TTC16: variants seen among roughly 807,000 people sequenced by gnomAD.
TTC16 encodes tetratricopeptide repeat protein 16.
A neutral mutation model predicts 80.4 loss-of-function variants in TTC16; 66 were observed. The observed-to-expected ratio is 0.82, with a 90% CI of 0.67 to 1.01. The LOEUF (loss-of-function observed/expected upper bound fraction) is 1.01. TTC16 is among the 50% of genes least tolerant of loss of function. TTC16 has a pLI of 0.00. For missense variants in TTC16, 1,070 were observed against 1,103.2 expected, an observed-to-expected ratio of 0.97 and a Z score of 0.43; for synonymous variants, 438 against 451.3, an observed-to-expected ratio of 0.97 and a Z score of 0.37.
chr9:127,717,131 T>A lies in TTC16; in HGVS notation c.191+115T>A. 4 of 1,397,698 alleles carry A rather than the reference T, an allele frequency of 2.9e-6. No individual in the cohort carries two copies. In the South Asian group the frequency reaches 4.9e-5, roughly 17 times the overall value. 86.6% of individuals were successfully genotyped at this position (1,397,698 alleles called of 1,614,324 possible). ...GGCCTCAGTGAACTCAACTGTCTAA[T>A]GGGGCTCTTCCACCTCAGTGGGAAC... On this transcript the variant is annotated intron_variant, in intron 2 of 13. Transcript: ENST00000373289.
chr9:127,722,346 C>T lies in TTC16; in HGVS notation c.658-773C>T, dbSNP rs1326910263. Among the ~76,000 whole-genome samples the T allele has an allele frequency of 1.3e-5, 2 of 152,208 alleles. No homozygotes were observed. Among genetic ancestry groups the T allele is most frequent in the Admixed American group, 6.5e-5 (1 of 15,282 alleles). On this transcript the variant is annotated intron_variant, in intron 6 of 13. Transcript: ENST00000373289. The surrounding 1 kb of genome is among the most constrained non-coding windows in gnomAD (Gnocchi z 4.2). ...CTGGCTGAGCTGCGCCTTCCTCCTC[C>T]TAGTGGAAGGGACTTGCTGGGGGAG...
At chr9:127,720,020 TG>T in intron 4 of TTC16, 57 bp from the exon 5 acceptor site, 7 of 1,508,292 alleles carry the variant, frequency 4.6e-6, no homozygotes, top group Non-Finnish European at 4.6e-6. Context: ...TGCTGCCAAC[TG>T]GGGGGTGCAG....
chr9:127,719,456 G>T (rs746482608), intron 4 of TTC16, among the ~76,000 whole-genome samples: 12 of 152,152 alleles, frequency 7.9e-5, no homozygotes, highest in Non-Finnish European at 1.8e-4. Context: ...GCTACAGCCT[G>T]TTTGTGTTAG....
rs1844412535 is a variant in TTC16, at chr9:127,731,441, G to A, written c.*36G>A. 1.3e-6 allele frequency: 2 copies of A among 1,576,488 alleles called. No homozygotes were observed. Among genetic ancestry groups the A allele is most frequent in the African/African-American group, 1.3e-5 (1 of 74,136 alleles). On this transcript the variant is annotated 3_prime_UTR_variant, in exon 14 of 14. Coordinates refer to ENST00000373289, the MANE Select transcript of TTC16 (RefSeq NM_144965.3). ...CAGACCCTCCCTTCTTGCTGGGGAG[G>A]GGACGAGTTCTACCCACCTCCCCAC...
intron 6 of TTC16, among the ~76,000 whole-genome samples, chr9:127,721,524 C>A (rs1031828361): frequency 2.0e-5 from 3 of 151,740 alleles, no homozygotes; most frequent in Non-Finnish European, 4.4e-5. Context: ...GCGGGTTCAC[C>A]TCATTCTCCA....
At position 127,724,814 on chromosome 9, in the gene TTC16, G is replaced by A; in HGVS notation, c.1176G>A (p.Leu392=). 1 of 1,609,062 alleles carries A rather than the reference G, an allele frequency of 6.2e-7. No homozygotes were observed. The highest frequency in any genetic ancestry group is 2.2e-5 in the East Asian group (1 of 44,784). ...AFAEADYQQA[L]ALSPQDEGAN... ...CCGAGGCGGACTACCAGCAGGCGCT[G>A]GCGCTGAGCCCTCAGGACGAGGGCG... Residue 392 remains leucine (L), a synonymous_variant, in exon 9 of 14, where the codon CTG becomes CTA. Transcript: ENST00000373289.
Position 127,729,604 on chromosome 9 carries a change from T to C in TTC16, c.1788T>C (p.Pro596=). ...AGGAGAAAAAATCAGAGCTCATACC[T>C]AGCAAGGTGGCGTCCCTGTCTGACA... ...KKEEKKSELI[P]SKVASLSDSY... Residue 596 remains proline, a synonymous_variant, in exon 13 of 14, where the codon CCT becomes CCC. Coordinates refer to ENST00000373289, the MANE Select transcript of TTC16 (RefSeq NM_144965.3). 1.2e-6 allele frequency: 2 copies of C among 1,613,766 alleles called. No homozygotes were observed. Among genetic ancestry groups the C allele is most frequent in the Non-Finnish European group, 1.7e-6 (2 of 1,179,988 alleles).
rs890884518 is a variant in TTC16 at position 127,722,064 on chromosome 9, C to T, written c.658-1055C>T. 1.3e-5 allele frequency among the ~76,000 whole-genome samples: 2 copies of T among 152,180 alleles called. No homozygotes were observed. The highest frequency in any genetic ancestry group is 2.4e-5 in the African/African-American group (1 of 41,434). On this transcript the variant is annotated intron_variant, in intron 6 of 13. Transcript: ENST00000373289. This position sits in a 1 kb window ranked among gnomAD's most constrained non-coding sequence, Gnocchi z 4.2. ...TTTGCCCCTGCTTAGCTGTGAGGCTCGCAGCAACCCTTTGGGATAGAGACA... is the reference window on the plus strand; with the variant it reads ...TTTGCCCCTGCTTAGCTGTGAGGCTTGCAGCAACCCTTTGGGATAGAGACA...
At chr9:127,726,896 G>A (rs1239212025) in intron 10 of TTC16, 74 bp from the exon 11 acceptor site, 6 of 1,592,974 alleles carry the variant, frequency 3.8e-6, no homozygotes, top group Non-Finnish European at 5.1e-6. Context: ...GGCTGTGCAG[G>A]GTCAGGGCAG....
chr9:127,729,770 G>A (rs149148836), intron 13 of TTC16, 102 bp downstream of exon 13: 127 of 1,018,288 alleles, frequency 1.2e-4, no homozygotes, highest in Non-Finnish European at 1.7e-4. Context: ...GTTCGGCCCC[G>A]CTGCTGACAG....
chr9:127,720,373 G>C lies in TTC16; in HGVS notation c.635G>C (p.Arg212Thr). ...TNADVYIFRA[R>T]LYNFLQKPHL... is the part of the protein sequence containing the mutation. ...GCCGATGTCTACATCTTCCGGGCCA[G>C]ACTCTACAACTTTCTCCAGAAGGTA... Residue 212 changes from arginine (R) to threonine (T), a missense_variant, in exon 6 of 14, where the codon AGA (arginine) becomes ACA (threonine). Arg to Thr is a moderately conservative substitution (Grantham distance 71). Coordinates refer to ENST00000373289, the MANE Select transcript of TTC16 (RefSeq NM_144965.3). 2 of 1,601,520 alleles carry C rather than the reference G, an allele frequency of 1.2e-6. No individual in the cohort carries two copies. Among genetic ancestry groups the C allele is most frequent in the Non-Finnish European group, 1.7e-6 (2 of 1,169,742 alleles).
chr9:127,726,558 C>T (rs1025224657), intron 10 of TTC16, among the ~76,000 whole-genome samples, 154 bp downstream of exon 10: 3 of 152,088 alleles, frequency 2.0e-5, no homozygotes, highest in Admixed American at 6.5e-5. Flanking sequence ...GAGCCCAAGG[C>T]GGGTGGATCA....
intron 6 of TTC16, among the ~76,000 whole-genome samples, chr9:127,721,509 G>A (rs1221011874): frequency 6.7e-6 from 1 of 149,898 alleles, no homozygotes; most frequent in Non-Finnish European, 1.5e-5. Flanking sequence ...GGTGGGCGGG[G>A]TGGGGCGGGT....
chr9:127,723,132 A>G lies in TTC16; in HGVS notation c.671A>G (p.Tyr224Cys). The change falls in exon 7 of 14, where the codon TAC becomes TGC. Residue 224 changes from tyrosine (Y) to cysteine (C), a missense_variant. Physicochemically the swap from Tyr to Cys is radical, Grantham distance 194. Transcript: ENST00000373289. The part of the protein sequence containing the change: ...YNFLQKPHLC[Y>C]RDLHSALLLN... ...GGCCTCCTGCAGCCCCACCTCTGCT[A>G]CCGGGACCTGCACAGCGCCTTGCTG... 6.2e-7 allele frequency: 1 copy of G among 1,611,546 alleles called. No individual in the cohort carries two copies. Among genetic ancestry groups the G allele is most frequent in the Non-Finnish European group, 8.5e-7 (1 of 1,179,876 alleles).
Position 127,723,298 on chromosome 9 carries a change from G to A in TTC16, c.837G>A (p.Glu279=). 2 of 1,612,950 alleles carry A rather than the reference G, an allele frequency of 1.2e-6. No homozygotes were observed. The highest frequency in any genetic ancestry group is 1.7e-6 in the Non-Finnish European group (2 of 1,180,000). The part of the protein sequence containing the change: ...HALQRINRAI[E]NNPLDPSLFL... ...TGCAGCGGATCAACCGTGCCATCGA[G>A]AACAACCCTCTGGACCCCAGTCTCT... is the stretch of plus-strand genomic sequence containing the variant. Residue 279 remains glutamate (E), a synonymous_variant, in exon 7 of 14, where the codon GAG becomes GAA. Transcript: ENST00000373289.
chr9:127,725,692 C>T (rs562482453), intron 9 of TTC16, among the ~76,000 whole-genome samples: 110 of 151,734 alleles, frequency 7.2e-4, no homozygotes, highest in Admixed American at 1.2e-3. Context: ...CTCCACCTCC[C>T]GGGTTCAAGC....
intron 13 of TTC16, chr9:127,730,338 C>T (rs537529317): frequency 1.1e-5 from 5 of 450,024 alleles, no homozygotes; most frequent in South Asian, 6.6e-5. Context: ...GGCGGGGGGA[C>T]GCAGGGGCCC....
chr9:127,718,517 G>A lies in TTC16; in HGVS notation c.426+745G>A, dbSNP rs927096728. 3.9e-5 allele frequency among the ~76,000 whole-genome samples: 6 copies of A among 152,164 alleles called. No homozygotes were observed. Among genetic ancestry groups the A allele is most frequent in the Non-Finnish European group, 7.3e-5 (5 of 68,038 alleles). Reference sequence around the variant, plus strand: ...CTAAAAAGGTCACAGTGACCCCTAAGTGTATTTCAAAGGAAAAACAATATT... The same window carrying A: ...CTAAAAAGGTCACAGTGACCCCTAAATGTATTTCAAAGGAAAAACAATATT... On this transcript the variant is annotated intron_variant, in intron 4 of 13. Transcript: ENST00000373289. The surrounding 1 kb of genome is among the most constrained non-coding windows in gnomAD (Gnocchi z 4.6).
At chr9:127,723,629 G>A (rs1843669739) in intron 7 of TTC16, among the ~76,000 whole-genome samples, 1 of 152,210 alleles carries the variant, frequency 6.6e-6, no homozygotes, top group African/African-American at 2.4e-5. Context: ...GCTTGAGTCT[G>A]GTCCCAGGAA....
Sources: allele counts gnomAD v4.1 joint callset (sites outside exome capture counted in the v4.1 genomes callset), GRCh38; gene constraint gnomAD v4.1.1; non-coding constraint Gnocchi (gnomAD v3.1); transcripts MANE v1.5; gene names NCBI Gene and HGNC (gene_info 2026-07-23, HGNC 2026-07-21).